Variants in VAV2 observed in about 807,000 individuals in gnomAD.
VAV2 encodes guanine nucleotide exchange factor VAV2.
VAV2 carries 67 observed loss-of-function variants against 132.5 expected under a neutral mutation model. That is an observed-to-expected ratio of 0.51 (90% CI 0.42 to 0.62). The LOEUF is 0.62. VAV2 is among the 20% of genes least tolerant of loss of function. VAV2 has a pLI of 0.00. For synonymous variants in VAV2, 492 were observed against 443.5 expected (o/e 1.11, Z -1.37); for missense variants, 938 against 1,153.6 (o/e 0.81, Z 2.71).
rs376523619 is a variant in VAV2 at position 133,819,220 on chromosome 9, G to A, written c.450-7004C>T. Reference sequence around the variant, plus strand: ...AGCACTTTGGGAGGCCGAGGTGGGCGGATCACGAGGTCAGGAGATCGAGAC... The same window carrying A: ...AGCACTTTGGGAGGCCGAGGTGGGCAGATCACGAGGTCAGGAGATCGAGAC... On this transcript the variant is annotated intron_variant, in intron 4 of 29. Transcript: ENST00000371850. Among the ~76,000 whole-genome samples, 44 of 152,076 alleles carry A rather than the reference G, an allele frequency of 2.9e-4. No individual in the cohort carries two copies. In the East Asian group the frequency reaches 6.2e-3, roughly 22 times the overall value.
At chr9:133,810,609 G>A (rs1462271257) in intron 5 of VAV2, among the ~76,000 whole-genome samples, 1 of 152,208 alleles carries the variant, frequency 6.6e-6, no homozygotes, top group Non-Finnish European at 1.5e-5. Flanking sequence ...TGGACAGCTC[G>A]AGACCAGCGG....
At chr9:133,871,579 G>A (rs1284768975) in intron 2 of VAV2, among the ~76,000 whole-genome samples, 1 of 152,066 alleles carries the variant, frequency 6.6e-6, no homozygotes, top group Non-Finnish European at 1.5e-5. Context: ...ATGAAGTAAG[G>A]AGAGAAGAGA....
chr9:133,985,246 G>A (rs938576552), intron 1 of VAV2, among the ~76,000 whole-genome samples: 11 of 151,270 alleles, frequency 7.3e-5, no homozygotes, highest in Non-Finnish European at 1.5e-4. Flanking sequence ...GTGTGTGTGT[G>A]TGTGTGTGTG....
intron 1 of VAV2, among the ~76,000 whole-genome samples, chr9:133,987,607 G>T (rs137957367): frequency 8.5e-5 from 13 of 152,370 alleles, no homozygotes; most frequent in Non-Finnish European, 1.9e-4. Context: ...AAGCCTTTGC[G>T]TGGTGTCCAG....
intron 2 of VAV2, among the ~76,000 whole-genome samples, chr9:133,910,095 T>C (rs1399087468): frequency 1.3e-5 from 2 of 152,210 alleles, no homozygotes; most frequent in Non-Finnish European, 1.5e-5. Context: ...TCGGCTTCAA[T>C]GAATCAGCTT....
At chr9:133,905,433 C>A (rs1025316473) in intron 2 of VAV2, among the ~76,000 whole-genome samples, 238 of 113,230 alleles carry the variant, frequency 2.1e-3, no homozygotes, top group South Asian at 2.8e-3. Context: ...GAAACTGTCT[C>A]AAAAAAAAAA....
At chr9:133,875,113 G>A (rs534848099) in intron 2 of VAV2, among the ~76,000 whole-genome samples, 230 of 152,280 alleles carry the variant, frequency 1.5e-3, no homozygotes, top group Admixed American at 2.3e-3. Flanking sequence ...AGCGCTTCAC[G>A]GGATCACCTG....
At chr9:133,795,193 C>G (rs1380302017) in intron 12 of VAV2, among the ~76,000 whole-genome samples, 3 of 152,184 alleles carry the variant, frequency 2.0e-5, no homozygotes. Flanking sequence ...GTGGCATGAG[C>G]TGAGCTCACC....
intron 9 of VAV2, among the ~76,000 whole-genome samples, 161 bp downstream of exon 9, chr9:133,805,920 C>T (rs1412998895): frequency 1.3e-5 from 2 of 152,166 alleles, no homozygotes; most frequent in East Asian, 1.9e-4. Flanking sequence ...GGCTGCGGCT[C>T]GGGGTGGGTG....
At chr9:133,954,255 T>TCCATCTGC (rs1235773323) in intron 1 of VAV2, among the ~76,000 whole-genome samples, 2 of 152,180 alleles carry the variant, frequency 1.3e-5, no homozygotes, top group African/African-American at 2.4e-5. Flanking sequence ...TGTCCCTCTG[T>TCCATCTGC]CCATCTGCCC....
At chr9:133,812,243 G>A (rs1835387037) in intron 4 of VAV2, 27 bp from the exon 5 acceptor site, 2 of 1,608,820 alleles carry the variant, frequency 1.2e-6, no homozygotes, top group East Asian at 2.2e-5. Flanking sequence ...GGGTTAGAGG[G>A]GAGGGGAGGC....
At chr9:133,862,752 A>G (rs1837648895) in intron 2 of VAV2, among the ~76,000 whole-genome samples, 1 of 152,200 alleles carries the variant, frequency 6.6e-6, no homozygotes. Flanking sequence ...TGCGCTGCAC[A>G]TTTGCTAGAC....
Position 133,826,166 on chromosome 9 carries a change from T to C in VAV2, c.449+8106A>G, listed in dbSNP as rs950358899. ...GGGATTCACAGACCATCTGGGCAGA[T>C]GCTTTCGTTTCAGAGACTGGGAAAC... On this transcript the variant is annotated intron_variant, in intron 4 of 29. Transcript: ENST00000371850. This position sits in a 1 kb window ranked among gnomAD's most constrained non-coding sequence, Gnocchi z 4.2. Among the ~76,000 whole-genome samples the C allele has an allele frequency of 2.0e-5, 3 of 152,218 alleles. No homozygotes were observed. The highest frequency in any genetic ancestry group is 2.9e-5 in the Non-Finnish European group (2 of 68,048).
chr9:133,945,478 C>T (rs531905604), intron 1 of VAV2, among the ~76,000 whole-genome samples: 3 of 152,228 alleles, frequency 2.0e-5, no homozygotes, highest in Admixed American at 1.3e-4. Flanking sequence ...ACATTTGCTC[C>T]GTCAGATGTG....
intron 3 of VAV2, among the ~76,000 whole-genome samples, chr9:133,849,384 C>T (rs1295874791): frequency 6.6e-6 from 1 of 152,188 alleles, no homozygotes; most frequent in Non-Finnish European, 1.5e-5. Context: ...CGTTAAGAAG[C>T]ACTGGTTAGG....
chr9:133,784,346 G>T lies in VAV2; in HGVS notation c.1605C>A (p.Thr535=), dbSNP rs775195970. 6.2e-7 allele frequency: 1 copy of T among 1,614,230 alleles called. No individual in the cohort carries two copies. Among genetic ancestry groups the T allele is most frequent in the Non-Finnish European group, 8.5e-7 (1 of 1,180,032 alleles). The change falls in exon 18 of 30, where the codon ACC becomes ACA. Residue 535 remains threonine (T), a synonymous_variant. Coordinates refer to ENST00000371850, the MANE Select transcript of VAV2 (RefSeq NM_001134398.2). The part of the protein sequence containing the change: ...SFQMYTFDKT[T]NCKACKMFLR... The stretch of plus-strand genomic sequence containing the variant: ...GGAACATTTTGCAGGCTTTGCAGTT[G>T]GTGGTCTTGTCAAACGTGTACATCT...
rs79880265 is a variant in VAV2 at position 133,952,626 on chromosome 9, G to C, written c.205-13407C>G. ...TCGGGGAAAAAAAAAACAAACCTGA[G>C]GCTCTCGAGATAAGATAATCCCAGA... is the stretch of plus-strand genomic sequence containing the variant. On this transcript the variant is annotated intron_variant, in intron 1 of 29. Coordinates refer to ENST00000371850, the MANE Select transcript of VAV2 (RefSeq NM_001134398.2). 3.2e-4 allele frequency among the ~76,000 whole-genome samples: 49 copies of C among 151,302 alleles called. 1 individual carries two copies. The highest frequency in any genetic ancestry group is 1.1e-3 in the African/African-American group (47 of 41,298).
chr9:133,964,065 A>G (rs1322458224), intron 1 of VAV2, among the ~76,000 whole-genome samples: 8 of 138,250 alleles, frequency 5.8e-5, no homozygotes, highest in Admixed American at 1.4e-4. Context: ...ATATACATAT[A>G]TATAAATGAA....
chr9:133,803,953 G>C (rs1047240694), intron 9 of VAV2, among the ~76,000 whole-genome samples: 2 of 152,070 alleles, frequency 1.3e-5, no homozygotes, highest in Admixed American at 1.3e-4. Flanking sequence ...CTGTGCTCAG[G>C]GGGACACGTC....
Sources: allele counts gnomAD v4.1 joint callset (sites outside exome capture counted in the v4.1 genomes callset), GRCh38; gene constraint gnomAD v4.1.1; non-coding constraint Gnocchi (gnomAD v3.1); transcripts MANE v1.5; gene names NCBI Gene and HGNC (gene_info 2026-07-23, HGNC 2026-07-21).